FSTL4: variants seen among roughly 807,000 people sequenced by gnomAD.
The protein encoded by FSTL4 is follistatin like 4.
Under a neutral mutation model 78.2 loss-of-function variants are expected in FSTL4, and 28 were observed. The ratio of observed to expected loss-of-function variants is 0.36; its 90% CI spans 0.27 to 0.49. The LOEUF is 0.49. Among genes scored for constraint, FSTL4 ranks in the 20% least tolerant of loss-of-function variants. The pLI is 0.98. For synonymous variants in FSTL4, 422 were observed against 440.5 expected (o/e 0.96, Z 0.53); for missense variants, 922 against 1,084.9 (o/e 0.85, Z 2.11).
chr5:133,466,277 T>TCAAGCCTGTAATCC (rs1206711721), intron 3 of FSTL4, among the ~76,000 whole-genome samples: 1 of 152,102 alleles, frequency 6.6e-6, no homozygotes, highest in Non-Finnish European at 1.5e-5. Context: ...GTGCGGTGGC[T>TCAAGCCTGTAATCC]CAAGCCTGTA....
chr5:133,201,217 G>A (rs1750308188), intron 15 of FSTL4, among the ~76,000 whole-genome samples: 2 of 152,216 alleles, frequency 1.3e-5, no homozygotes, highest in Admixed American at 6.5e-5. Context: ...AGGCTTGGTC[G>A]TCTGGCAGTG....
At chr5:133,278,610 C>A (rs760258506) in intron 6 of FSTL4, among the ~76,000 whole-genome samples, 5 of 152,180 alleles carry the variant, frequency 3.3e-5, no homozygotes, top group Non-Finnish European at 5.9e-5. Context: ...AAGGCCATAC[C>A]AGGTGAGGTG....
intron 4 of FSTL4, among the ~76,000 whole-genome samples, chr5:133,345,840 C>T (rs918156415): frequency 2.0e-5 from 3 of 152,202 alleles, no homozygotes; most frequent in African/African-American, 4.8e-5. Context: ...GGCGATTCCT[C>T]AAGGATCTGG....
chr5:133,678,050 A>G, the FSTL4 span, among the ~76,000 whole-genome samples: 1 of 152,184 alleles, frequency 6.6e-6, no homozygotes, highest in African/African-American at 2.4e-5. Flanking sequence ...CAGAATTATC[A>G]TTTTTGTTCT....
the FSTL4 span, among the ~76,000 whole-genome samples, chr5:133,840,896 T>C: frequency 6.6e-6 from 1 of 152,262 alleles, no homozygotes; most frequent in African/African-American, 2.4e-5. Flanking sequence ...TGCTTGTTTC[T>C]CTGCTAAGCA....
intron 5 of FSTL4, among the ~76,000 whole-genome samples, chr5:133,313,805 T>C (rs913921568): frequency 6.6e-6 from 1 of 152,168 alleles, no homozygotes; most frequent in African/African-American, 2.4e-5. Context: ...CTTCCAAAGA[T>C]GGAAATTTCC....
At chr5:133,277,306 C>T (rs142925172) in intron 6 of FSTL4, among the ~76,000 whole-genome samples, 32 of 142,618 alleles carry the variant, frequency 2.2e-4, no homozygotes, top group South Asian at 5.0e-4. Context: ...GAGCAAGACT[C>T]GGTCTCAAAA....
At chr5:133,448,964 G>A (rs1303090061) in intron 3 of FSTL4, among the ~76,000 whole-genome samples, 1 of 152,104 alleles carries the variant, frequency 6.6e-6, no homozygotes, top group Non-Finnish European at 1.5e-5. Flanking sequence ...TACTGGGGAG[G>A]TAATTCTGAC....
chr5:133,774,693 G>A, the FSTL4 span, among the ~76,000 whole-genome samples: 1 of 152,086 alleles, frequency 6.6e-6, no homozygotes, highest in Non-Finnish European at 1.5e-5. Flanking sequence ...GTATACCTTT[G>A]CCATCTTATC....
At chr5:133,803,092 G>A in the FSTL4 span, among the ~76,000 whole-genome samples, 59 of 152,302 alleles carry the variant, frequency 3.9e-4, no homozygotes, top group African/African-American at 1.4e-3. Flanking sequence ...AGAACCAAGA[G>A]AAGGAGGAGA....
intron 1 of FSTL4, among the ~76,000 whole-genome samples, chr5:133,608,257 A>C (rs1439185037): frequency 1.3e-5 from 2 of 152,196 alleles, no homozygotes; most frequent in Non-Finnish European, 2.9e-5. Context: ...GTCCCCATAT[A>C]AAGAGCTGAG....
At chr5:133,671,326 G>T in the FSTL4 span, among the ~76,000 whole-genome samples, 1 of 151,978 alleles carries the variant, frequency 6.6e-6, no homozygotes, top group Non-Finnish European at 1.5e-5. Context: ...AGTTTGGTAT[G>T]GTTTGCTACA....
rs936873007 is a variant in FSTL4, at chr5:133,611,173, A to G, written c.-11+1152T>C. 2.6e-5 allele frequency among the ~76,000 whole-genome samples: 4 copies of G among 151,742 alleles called. No homozygotes were observed. Among genetic ancestry groups the G allele is most frequent in the African/African-American group, 9.7e-5 (4 of 41,284 alleles). On this transcript the variant is annotated intron_variant, in intron 1 of 15. Transcript: ENST00000265342. This position sits in a 1 kb window ranked among gnomAD's most constrained non-coding sequence, Gnocchi z 4.9. ...CGCGGCCGCGAGCGAGGGCTGCTGG[A>G]CAGCGCCCCGGCACCCGCTCTCGAG...
At chr5:133,212,402 G>T (rs1360639284) in intron 13 of FSTL4, among the ~76,000 whole-genome samples, 1 of 152,216 alleles carries the variant, frequency 6.6e-6, no homozygotes, top group East Asian at 1.9e-4. Flanking sequence ...TGGCAGCCAA[G>T]AGATCTGATC....
chr5:133,721,952 C>T, the FSTL4 span, among the ~76,000 whole-genome samples: 1 of 152,176 alleles, frequency 6.6e-6, no homozygotes, highest in African/African-American at 2.4e-5. Flanking sequence ...GTCCCATAGA[C>T]TGTCTTCACT....
chr5:133,796,273 A>T, the FSTL4 span, among the ~76,000 whole-genome samples: 1 of 152,190 alleles, frequency 6.6e-6, no homozygotes, highest in African/African-American at 2.4e-5. Context: ...GACCAGGTGC[A>T]GGAGCCCAGG....
chr5:133,620,786 A>G, the FSTL4 span, among the ~76,000 whole-genome samples: 2 of 152,158 alleles, frequency 1.3e-5, no homozygotes, highest in African/African-American at 4.8e-5. Flanking sequence ...TTTATTATAA[A>G]TGGAAAAAAC....
chr5:133,631,852 C>T, the FSTL4 span, among the ~76,000 whole-genome samples: 10 of 152,026 alleles, frequency 6.6e-5, no homozygotes, highest in Non-Finnish European at 8.8e-5. Context: ...TTTGCAGGGA[C>T]GTGGATGAAG....
At chr5:133,601,078 C>T (rs391340) in intron 2 of FSTL4, among the ~76,000 whole-genome samples, 115,049 of 151,752 alleles carry the variant, frequency 0.76, 43,894 homozygotes, top group East Asian at 0.96. Context: ...GCAAGCCTGT[C>T]CGGCCTGCAG....
Sources: gnomAD v4.1 joint callset for allele counts (sites outside exome capture counted in the v4.1 genomes callset) on GRCh38, gnomAD v4.1.1 for gene constraint, Gnocchi (gnomAD v3.1) non-coding constraint, MANE v1.5 for transcripts, NCBI Gene and HGNC (gene_info 2026-07-23, HGNC 2026-07-21) for gene names.